Variants in NINJ2 observed in about 807,000 individuals in gnomAD.
The protein encoded by NINJ2 is ninjurin 2, also known as ninjurin-2.
NINJ2 carries 12 observed loss-of-function variants against 11.7 expected under a neutral mutation model. That is an observed-to-expected ratio of 1.02 (90% confidence interval 0.66 to 1.66). NINJ2 has a LOEUF of 1.66. Among genes scored for constraint, NINJ2 ranks in the 40% most tolerant of loss-of-function variants. The probability of loss-of-function intolerance (pLI) is 0.00; values close to 1 mark genes in which losing one functional copy is unlikely to be tolerated. For missense variants in NINJ2, 187 were observed against 181.8 expected (o/e 1.03, Z -0.16); for synonymous variants, 93 against 76.8 (o/e 1.21, Z -1.10).
chr12:610,293 C>T, intron 1 of NINJ2: 1 of 1,472,226 alleles, frequency 6.8e-7, no homozygotes, highest in Non-Finnish European at 9.2e-7. Context: ...GTCCCCAGTG[C>T]CCAGCACCCA....
chr12:609,088 G>A (rs899622691), intron 1 of NINJ2, among the ~76,000 whole-genome samples: 2 of 126,036 alleles, frequency 1.6e-5, no homozygotes, highest in Non-Finnish European at 3.3e-5. Context: ...CCACGCTAGG[G>A]GCTGAACGCA....
rs117928580 is a variant in NINJ2, at chr12:577,762, G to T, written c.34-11584C>A. On this transcript the variant is annotated intron_variant, in intron 1 of 3. Transcript: ENST00000305108. ...GTAGAGATGGGGTCTCACCATGTCG[G>T]CCAGGCTAAGTCTCAAACTCCTGAG... Among the ~76,000 whole-genome samples the T allele has an allele frequency of 5.4e-3, 682 of 126,130 alleles. 32 individuals are homozygous for T. The East Asian group carries it at 0.13, about 24-fold the overall frequency. 82.7% of individuals were successfully genotyped at this position (126,130 alleles called of 152,430 possible). A position where few individuals can be genotyped will look rare whatever the true frequency, so the allele number is the denominator to read the frequency against.
Position 599,634 on chromosome 12 carries a change from C to G in NINJ2, c.34-33456G>C, listed in dbSNP as rs182590746. ...GAGGTTAAGAGACTTATCAGGATGC[C>G]ACCCATGTTCGTGGCTTCATTGGAA... is the stretch of plus-strand genomic sequence containing the variant. On this transcript the variant is annotated intron_variant, in intron 1 of 3. Coordinates refer to ENST00000305108, the MANE Select transcript of NINJ2 (RefSeq NM_016533.6). Among the ~76,000 whole-genome samples the G allele has an allele frequency of 3.1e-3, 474 of 152,310 alleles. 4 individuals carry two copies. The highest frequency in any genetic ancestry group is 5.2e-3 in the Non-Finnish European group (351 of 68,022).
chr12:594,685 GAATA>G (rs1947759575), intron 1 of NINJ2, among the ~76,000 whole-genome samples: 1 of 152,096 alleles, frequency 6.6e-6, no homozygotes, highest in Non-Finnish European at 1.5e-5. Flanking sequence ...CAAAACAACT[GAATA>G]AATAGAGAGC....
At chr12:652,230 C>T (rs913377812) in intron 1 of NINJ2, among the ~76,000 whole-genome samples, 3 of 152,186 alleles carry the variant, frequency 2.0e-5, no homozygotes, top group Non-Finnish European at 2.9e-5. Context: ...CATCTGATTT[C>T]TCCTCAGACA....
intron 1 of NINJ2, among the ~76,000 whole-genome samples, chr12:589,931 T>C (rs1473043452): frequency 6.6e-6 from 1 of 152,064 alleles, no homozygotes. Context: ...GGGGTCTCCC[T>C]GTCAGGACCC....
intron 2 of NINJ2, chr12:565,615 G>A (rs1947285545): frequency 1.6e-6 from 1 of 616,976 alleles, no homozygotes; most frequent in Non-Finnish European, 2.9e-6. Flanking sequence ...CAGGATTTGG[G>A]AACTTAAGCT....
chr12:629,864 G>A (rs1948251500), intron 1 of NINJ2, among the ~76,000 whole-genome samples: 1 of 41,000 alleles, frequency 2.4e-5, no homozygotes, highest in African/African-American at 6.9e-5. Context: ...TCCAGCCTCG[G>A]CGACAAGAGC....
Position 609,230 on chromosome 12 carries a change from G to A in NINJ2, c.34-43052C>T, listed in dbSNP as rs150528827. Reference sequence around the variant, plus strand: ...GCGCCACGCGCTAGGGGCTGAACGCGCACGCACGGCGCCACGCTAGGGGCT... The same window carrying A: ...GCGCCACGCGCTAGGGGCTGAACGCACACGCACGGCGCCACGCTAGGGGCT... On this transcript the variant is annotated intron_variant, in intron 1 of 3. Coordinates refer to ENST00000305108, the MANE Select transcript of NINJ2 (RefSeq NM_016533.6). Among the ~76,000 whole-genome samples, 662 of 106,030 alleles carry A rather than the reference G, an allele frequency of 6.2e-3. 32 individuals carry two copies. Among genetic ancestry groups the A allele is most frequent in the Middle Eastern group, 0.014 (2 of 142 alleles). 69.6% of individuals were successfully genotyped at this position (106,030 alleles called of 152,430 possible).
chr12:649,064 T>G lies in NINJ2; in HGVS notation c.33+14264A>C, dbSNP rs569881825. ...GTGATTTTATCTTTTTCTTTTTTTT[T>G]TTTCGAGACGGAGTCTCTGTCGCCC... On this transcript the variant is annotated intron_variant, in intron 1 of 3. Transcript: ENST00000305108. Among the ~76,000 whole-genome samples the G allele has an allele frequency of 2.1e-4, 32 of 152,016 alleles. No individual in the cohort carries two copies. In the South Asian group the frequency reaches 6.4e-3, roughly 31 times the overall value.
chr12:583,684 T>C (rs1947591117), intron 1 of NINJ2, among the ~76,000 whole-genome samples: 1 of 152,232 alleles, frequency 6.6e-6, no homozygotes, highest in Non-Finnish European at 1.5e-5. Context: ...CCTTCTTTTT[T>C]GCTGGGGCTC....
intron 1 of NINJ2, chr12:643,365 G>C: frequency 1.1e-6 from 1 of 884,188 alleles, no homozygotes; most frequent in Non-Finnish European, 1.4e-6. Context: ...TGGCGTTCCT[G>C]AGTCCGCGGA....
At chr12:610,683 C>T in intron 1 of NINJ2, 1 of 943,208 alleles carries the variant, frequency 1.1e-6, no homozygotes, top group Non-Finnish European at 1.3e-6. Context: ...CCTTGTTTAG[C>T]AGAACTGGGC....
At chr12:662,965 C>CAAAGAACTG (rs1555168136) in intron 1 of NINJ2, among the ~76,000 whole-genome samples, 6 of 152,092 alleles carry the variant, frequency 3.9e-5, no homozygotes, top group Admixed American at 2.6e-4. Flanking sequence ...TTTCCTGTCT[C>CAAAGAACTG]CCCGGCAGCT....
At chr12:582,822 T>A (rs57922871) in intron 1 of NINJ2, among the ~76,000 whole-genome samples, 16 of 48,586 alleles carry the variant, frequency 3.3e-4, no homozygotes, top group Admixed American at 1.2e-3. Context: ...GGCATGCTGG[T>A]GTGAATGAAT....
intron 1 of NINJ2, among the ~76,000 whole-genome samples, chr12:637,199 A>G (rs1220008324): frequency 6.6e-6 from 1 of 151,712 alleles, no homozygotes; most frequent in Non-Finnish European, 1.5e-5. Context: ...AAATACAAAA[A>G]TTAGCCAGGC....
Position 566,086 on chromosome 12 carries a change from C to A in NINJ2, c.126G>T (p.Leu42=). 2.5e-6 allele frequency: 4 copies of A among 1,614,180 alleles called. No homozygotes were observed. The highest frequency in any genetic ancestry group is 3.4e-6 in the Non-Finnish European group (4 of 1,180,022). ...SVAESMLDVA[L]FMSNAMRLKA... ...TCAGCCGCATGGCGTTGGACATGAACAGGGCCACGTCCAGCATGCTCTCCG... is the reference window on the plus strand; with the variant it reads ...TCAGCCGCATGGCGTTGGACATGAAAAGGGCCACGTCCAGCATGCTCTCCG... The change falls in exon 2 of 4, where the codon CTG becomes CTT. Residue 42 remains leucine, a synonymous_variant. Transcript: ENST00000305108.
chr12:654,888 T>C (rs1473034288), intron 1 of NINJ2, among the ~76,000 whole-genome samples: 8 of 147,972 alleles, frequency 5.4e-5, no homozygotes, highest in Non-Finnish European at 1.1e-4. Flanking sequence ...CCAAACTCCA[T>C]TTCAAAAAAA....
At chr12:653,775 A>C (rs1302067190) in intron 1 of NINJ2, among the ~76,000 whole-genome samples, 1 of 152,232 alleles carries the variant, frequency 6.6e-6, no homozygotes, top group African/African-American at 2.4e-5. Flanking sequence ...GGTAGATCCA[A>C]CTATATCAGT....
Sources: gnomAD v4.1 joint callset for allele counts (sites outside exome capture counted in the v4.1 genomes callset) on GRCh38, gnomAD v4.1.1 for gene constraint, MANE v1.5 for transcripts, NCBI Gene and HGNC (gene_info 2026-07-23, HGNC 2026-07-21) for gene names.